Variants in TMC1 observed in about 807,000 individuals in gnomAD.
TMC1 encodes transmembrane channel like 1, also known as transmembrane channel-like protein 1.
In TMC1, 84 loss-of-function variants were observed where a neutral mutation model predicts 105.8. That is an observed-to-expected ratio of 0.79 (90% confidence interval 0.67 to 0.95). The LOEUF (loss-of-function observed/expected upper bound fraction) is 0.95, where lower values mean the gene tolerates loss of function less well. TMC1 is among the 40% of genes least tolerant of loss of function. The pLI, the probability that TMC1 is intolerant of heterozygous loss-of-function variation, is 0.00. For missense variants in TMC1, 817 were observed against 914.1 expected, an observed-to-expected ratio of 0.89 and a Z score of 1.37; for synonymous variants, 315 against 311.5, an observed-to-expected ratio of 1.01 and a Z score of -0.12.
chr9:72,524,954 A>C (rs747319088), intron 1 of TMC1, among the ~76,000 whole-genome samples: 2 of 152,216 alleles, frequency 1.3e-5, no homozygotes, highest in African/African-American at 2.4e-5. Flanking sequence ...TCTAAGGAGC[A>C]GATCACCACA....
chr9:72,740,241 C>T (rs1226853007), intron 9 of TMC1, 32 bp downstream of exon 9: 2 of 1,572,818 alleles, frequency 1.3e-6, no homozygotes, highest in East Asian at 4.5e-5. Flanking sequence ...TGGTTTATGG[C>T]ATATTGCCTC....
At chr9:72,756,070 A>G (rs1588067953) in intron 12 of TMC1, among the ~76,000 whole-genome samples, 3 of 152,230 alleles carry the variant, frequency 2.0e-5, no homozygotes, top group African/African-American at 7.2e-5. Context: ...CTCCGAATGA[A>G]CAAAGCAAGC....
At chr9:72,553,985 T>C (rs1003916638) in intron 1 of TMC1, among the ~76,000 whole-genome samples, 15 of 152,220 alleles carry the variant, frequency 9.9e-5, no homozygotes, top group African/African-American at 3.6e-4. Flanking sequence ...GAAAATCCTT[T>C]AATAAATTCA....
At chr9:72,672,885 C>CACACA (rs58134858) in intron 5 of TMC1, among the ~76,000 whole-genome samples, 74,444 of 150,570 alleles carry the variant, frequency 0.49, 18,733 homozygotes, top group African/African-American at 0.59. Context: ...TATGCACACA[C>CACACA]ACACATCAGC....
chr9:72,671,924 G>A (rs1400136843), intron 5 of TMC1, among the ~76,000 whole-genome samples: 1 of 152,118 alleles, frequency 6.6e-6, no homozygotes, highest in Non-Finnish European at 1.5e-5. Context: ...AATATGCTTG[G>A]ATCCCTCACA....
intron 21 of TMC1, among the ~76,000 whole-genome samples, chr9:72,828,597 A>G (rs1162811486): frequency 6.6e-6 from 1 of 152,236 alleles, no homozygotes; most frequent in Admixed American, 6.5e-5. Context: ...CCTTTGTTTC[A>G]GGTACTATTT....
At chr9:72,705,364 G>T (rs1258023886) in intron 8 of TMC1, among the ~76,000 whole-genome samples, 1 of 152,186 alleles carries the variant, frequency 6.6e-6, no homozygotes, top group East Asian at 1.9e-4. Flanking sequence ...TGAGCTAAGT[G>T]CTTCCTATAA....
At chr9:72,545,962 A>C (rs916140658) in intron 1 of TMC1, among the ~76,000 whole-genome samples, 1 of 151,994 alleles carries the variant, frequency 6.6e-6, no homozygotes, top group Non-Finnish European at 1.5e-5. Context: ...AAAAAAAAAC[A>C]AACCTTCACT....
intron 4 of TMC1, chr9:72,628,422 A>G (rs1200667189): frequency 1.0e-5 from 2 of 196,184 alleles, no homozygotes; most frequent in African/African-American, 4.7e-5. Flanking sequence ...CATGGAAGGC[A>G]CACATGAATC....
intron 19 of TMC1, among the ~76,000 whole-genome samples, chr9:72,820,543 A>T (rs1407603459): frequency 9.2e-5 from 14 of 152,198 alleles, no homozygotes; most frequent in Admixed American, 9.2e-4. Flanking sequence ...AATTGTAAAT[A>T]TTGTTTACTC....
At chr9:72,756,962 A>C (rs575819299) in intron 12 of TMC1, among the ~76,000 whole-genome samples, 11 of 152,280 alleles carry the variant, frequency 7.2e-5, no homozygotes, top group South Asian at 6.2e-4. Context: ...GCTTCCCAAG[A>C]TTGTATCACT....
At chr9:72,526,086 GC>G (rs1310534803) in intron 1 of TMC1, among the ~76,000 whole-genome samples, 1 of 152,166 alleles carries the variant, frequency 6.6e-6, no homozygotes, top group African/African-American at 2.4e-5. Context: ...GAAAGCACCA[GC>G]CCCTTGCTTT....
chr9:72,806,638 A>G (rs1266410145), intron 18 of TMC1, among the ~76,000 whole-genome samples: 1 of 150,520 alleles, frequency 6.6e-6, no homozygotes. Context: ...GCAGCCGGGC[A>G]GAGGTGCTCC....
chr9:72,523,347 G>T (rs1287958862), intron 1 of TMC1, among the ~76,000 whole-genome samples: 1 of 152,014 alleles, frequency 6.6e-6, no homozygotes. Context: ...CGACCCTTGC[G>T]TAGTCAAAAA....
At chr9:72,660,415 T>C (rs2132160313) in intron 5 of TMC1, among the ~76,000 whole-genome samples, 1 of 152,304 alleles carries the variant, frequency 6.6e-6, no homozygotes, top group East Asian at 1.9e-4. Context: ...AAAATAGCAT[T>C]TTCTCCTTCA....
intron 8 of TMC1, among the ~76,000 whole-genome samples, chr9:72,729,509 C>T (rs1332196561): frequency 6.6e-6 from 1 of 152,052 alleles, no homozygotes; most frequent in African/African-American, 2.4e-5. Flanking sequence ...AGGCAATTAT[C>T]AAGTATCAAA....
intron 18 of TMC1, among the ~76,000 whole-genome samples, chr9:72,815,495 T>C (rs1028955503): frequency 3.3e-5 from 5 of 152,232 alleles, no homozygotes; most frequent in African/African-American, 1.2e-4. Flanking sequence ...AGGAAAACTA[T>C]AGTTCATCAC....
chr9:72,832,710 T>G (rs1309511611), intron 23 of TMC1, among the ~76,000 whole-genome samples: 2 of 152,156 alleles, frequency 1.3e-5, no homozygotes, highest in Non-Finnish European at 2.9e-5. Flanking sequence ...CTATCTAGCA[T>G]GCATAAATGT....
chr9:72,641,221 G>A (rs1310197656), intron 4 of TMC1, among the ~76,000 whole-genome samples: 1 of 152,148 alleles, frequency 6.6e-6, no homozygotes, highest in African/African-American at 2.4e-5. Flanking sequence ...AACCTCCTGA[G>A]TAGCTGAGAT....
Sources: gnomAD v4.1 joint callset for allele counts (sites outside exome capture counted in the v4.1 genomes callset) on GRCh38, gnomAD v4.1.1 for gene constraint, MANE v1.5 for transcripts, NCBI Gene and HGNC (gene_info 2026-07-23, HGNC 2026-07-21) for gene names.